Variants in CYP4F22 observed in about 807,000 individuals in gnomAD.
The protein encoded by CYP4F22 is ultra-long-chain fatty acid omega-hydroxylase.
A neutral mutation model predicts 60.4 loss-of-function variants in CYP4F22; 37 were observed. The ratio of observed to expected loss-of-function variants is 0.61; its 90% CI spans 0.47 to 0.81. CYP4F22 has a LOEUF of 0.81. Ranked by LOEUF, CYP4F22 falls within the 30% of genes least tolerant of loss-of-function variation. CYP4F22 has a pLI of 0.00. For synonymous variants in CYP4F22, 258 were observed against 280.5 expected (o/e 0.92, Z 0.80); for missense variants, 655 against 715.0 (o/e 0.92, Z 0.96).
intron 8 of CYP4F22, 79 bp from the exon 9 acceptor site, chr19:15,543,892 G>A (rs139862685): frequency 0.014 from 18,774 of 1,377,946 alleles, 166 homozygotes; most frequent in Non-Finnish European, 0.016. Context: ...GGGGCGGGGA[G>A]ATATCTGAGT....
chr19:15,511,904 A>G (rs914464940), intron 1 of CYP4F22, among the ~76,000 whole-genome samples: 11 of 152,340 alleles, frequency 7.2e-5, no homozygotes, highest in African/African-American at 2.4e-4. Context: ...ACACGGAGCC[A>G]GTCGCTGGCT....
intron 12 of CYP4F22, 152 bp downstream of exon 12, chr19:15,549,354 A>G: frequency 1.3e-6 from 1 of 752,204 alleles, no homozygotes; most frequent in Admixed American, 2.1e-5. Context: ...TTGTTAATTC[A>G]TTAGGGCAGA....
intron 4 of CYP4F22, among the ~76,000 whole-genome samples, chr19:15,535,156 G>A (rs1290228256): frequency 2.0e-5 from 3 of 152,168 alleles, no homozygotes; most frequent in Non-Finnish European, 4.4e-5. Context: ...CCTCCTCCAG[G>A]AAGCCTGCCC....
chr19:15,534,940 A>C (rs2144524665), intron 4 of CYP4F22, among the ~76,000 whole-genome samples: 1 of 152,274 alleles, frequency 6.6e-6, no homozygotes, highest in African/African-American at 2.4e-5. Context: ...ATAGGAAATG[A>C]GACTGACAGT....
At position 15,508,528 on chromosome 19, in the gene CYP4F22, TC is replaced by T. The variant is rs1318097608; in HGVS notation, c.-161del. The T allele has an allele frequency of 5.2e-5, 8 of 152,394 alleles. No homozygotes were observed. Among genetic ancestry groups the T allele is most frequent in the African/African-American group, 1.9e-4 (8 of 41,446 alleles). The allele number at this position is 152,394 out of a possible 1,614,324, so 9.4% of individuals were successfully genotyped here. On this transcript the variant is annotated 5_prime_UTR_variant, in exon 1 of 14. Transcript: ENST00000269703. ...TGGGCCGTGGGACGGCGCGGTCAGA[TC>T]CCAGGTAGTGGCGCCGGTGGATCCG...
At chr19:15,517,287 C>T (rs1016321861) in intron 1 of CYP4F22, among the ~76,000 whole-genome samples, 2 of 152,174 alleles carry the variant, frequency 1.3e-5, no homozygotes. Flanking sequence ...TCTGGTGGAC[C>T]TCTTGTCATG....
chr19:15,525,930 G>A (rs1200963179), intron 3 of CYP4F22, among the ~76,000 whole-genome samples: 3 of 152,096 alleles, frequency 2.0e-5, no homozygotes, highest in Admixed American at 6.6e-5. Context: ...GGGAGGCTGA[G>A]GTAGGAGGAT....
At chr19:15,536,232 G>A (rs537295865) in intron 4 of CYP4F22, among the ~76,000 whole-genome samples, 141 of 152,250 alleles carry the variant, frequency 9.3e-4, no homozygotes, top group Admixed American at 1.4e-3. Flanking sequence ...CCAGCTACTC[G>A]GGAGGCTGAG....
At chr19:15,549,095 C>T in intron 11 of CYP4F22, 43 bp from the exon 12 acceptor site, 2 of 1,610,382 alleles carry the variant, frequency 1.2e-6, no homozygotes, top group East Asian at 2.2e-5. Flanking sequence ...CTGGAGGAGG[C>T]CCTGGCTCCC....
chr19:15,523,946 G>C (rs1295245912), intron 2 of CYP4F22, 147 bp downstream of exon 2: 1 of 152,082 alleles, frequency 6.6e-6, no homozygotes, highest in East Asian at 1.9e-4. Context: ...TGTAGTCCCA[G>C]CTACCCAGGA....
chr19:15,531,350 T>C (rs1372804017), intron 4 of CYP4F22, among the ~76,000 whole-genome samples: 1 of 148,214 alleles, frequency 6.7e-6, no homozygotes, highest in Non-Finnish European at 1.5e-5. Flanking sequence ...ACTGCTGTAC[T>C]CCAGCCTGGG....
chr19:15,545,096 A>C (rs1971505963), intron 10 of CYP4F22, among the ~76,000 whole-genome samples: 1 of 68,666 alleles, frequency 1.5e-5, no homozygotes, highest in Non-Finnish European at 3.0e-5. Flanking sequence ...ATAAGTAAAT[A>C]AATAAAATAA....
rs1971271026 is a variant in CYP4F22, at chr19:15,525,423, C to T, written c.87C>T (p.Leu29=). ...TATACGCGGTGTCCACCCTTCTCCTCTTCCTGCTCTTCTTCCTGTTCCGCC... is the reference window on the plus strand; with the variant it reads ...TATACGCGGTGTCCACCCTTCTCCTTTTCCTGCTCTTCTTCCTGTTCCGCC... ...FRIYAVSTLL[L]FLLFFLFRLL... is the part of the protein sequence containing the mutation. Residue 29 remains leucine, a synonymous_variant, in exon 3 of 14, where the codon CTC becomes CTT. Transcript: ENST00000269703. 1 of 1,614,202 alleles carries T rather than the reference C, an allele frequency of 6.2e-7. No homozygotes were observed. Among genetic ancestry groups the T allele is most frequent in the Non-Finnish European group, 8.5e-7 (1 of 1,180,046 alleles).
chr19:15,550,344 GA>G (rs1203120638), intron 12 of CYP4F22, among the ~76,000 whole-genome samples: 1 of 152,220 alleles, frequency 6.6e-6, no homozygotes, highest in Non-Finnish European at 1.5e-5. Context: ...AAAACAGGTG[GA>G]GGGGGCACTT....
chr19:15,510,636 T>C (rs1040137547), intron 1 of CYP4F22, among the ~76,000 whole-genome samples: 4 of 152,176 alleles, frequency 2.6e-5, no homozygotes, highest in Admixed American at 2.6e-4. Flanking sequence ...TTTTAAAACT[T>C]CTTTTTCTGC....
At chr19:15,511,890 C>T (rs768477016) in intron 1 of CYP4F22, among the ~76,000 whole-genome samples, 1 of 152,206 alleles carries the variant, frequency 6.6e-6, no homozygotes, top group African/African-American at 2.4e-5. Flanking sequence ...GGGCGTGGGC[C>T]GGGACACGGA....
At chr19:15,519,646 TA>T (rs1971198050) in intron 1 of CYP4F22, among the ~76,000 whole-genome samples, 1 of 150,850 alleles carries the variant, frequency 6.6e-6, no homozygotes, top group Non-Finnish European at 1.5e-5. Flanking sequence ...CTGAGGGGAG[TA>T]GGGAGCCATG....
At chr19:15,519,995 G>A (rs1447015016) in intron 1 of CYP4F22, among the ~76,000 whole-genome samples, 1 of 152,162 alleles carries the variant, frequency 6.6e-6, no homozygotes, top group South Asian at 2.1e-4. Context: ...GATGTTCATC[G>A]TGTATGTTTG....
rs1971606288 is a variant in CYP4F22, at chr19:15,552,072, T to G, written c.*601T>G. The G allele has an allele frequency of 6.5e-6, 1 of 153,340 alleles. No homozygotes were observed. Among genetic ancestry groups the G allele is most frequent in the South Asian group, 2.0e-4 (1 of 4,938 alleles). The allele number at this position is 153,340 out of a possible 1,614,324, so 9.5% of individuals were successfully genotyped here. On this transcript the variant is annotated 3_prime_UTR_variant, in exon 14 of 14. Coordinates refer to ENST00000269703, the MANE Select transcript of CYP4F22 (RefSeq NM_173483.4). ...GCTGCTTGCTTTTGTTGTTGTTTTG[T>G]AAACTCAGACCCTTGTAAGCCCCTT...
Sources: allele counts gnomAD v4.1 joint callset (sites outside exome capture counted in the v4.1 genomes callset), GRCh38; gene constraint gnomAD v4.1.1; transcripts MANE v1.5; gene names NCBI Gene and HGNC (gene_info 2026-07-23, HGNC 2026-07-21).